The following HIVEP3 variants were observed in gnomAD, a reference collection of about 807,000 sequenced individuals.
HIVEP3 encodes the protein HIVEP zinc finger 3, also known as transcription factor HIVEP3.
In HIVEP3, 49 loss-of-function variants were observed where a neutral mutation model predicts 152.8. The ratio of observed to expected loss-of-function variants is 0.32; its 90% CI spans 0.26 to 0.41. The LOEUF is 0.41. Ranked by LOEUF, HIVEP3 falls within the 10% of genes least tolerant of loss-of-function variation. The pLI, the probability that HIVEP3 is intolerant of heterozygous loss-of-function variation, is 1.00. For missense variants in HIVEP3, 2,790 were observed against 3,103.3 expected (o/e 0.90, Z 2.40); for synonymous variants, 1,269 against 1,289.0 (o/e 0.98, Z 0.33).
chr1:41,937,828 T>C (rs1645027204), intron 1 of HIVEP3, among the ~76,000 whole-genome samples: 1 of 152,306 alleles, frequency 6.6e-6, no homozygotes, highest in South Asian at 2.1e-4. Context: ...TCCTAACTGG[T>C]GCATTGTATA....
At chr1:41,645,252 G>C (rs139281992) in intron 2 of HIVEP3, among the ~76,000 whole-genome samples, 1,658 of 152,268 alleles carry the variant, frequency 0.011, 12 homozygotes, top group Non-Finnish European at 0.016. Flanking sequence ...GCTGGCTGCA[G>C]GGCTCCTTCT....
chr1:41,754,925 C>T (rs1163643202), intron 1 of HIVEP3, among the ~76,000 whole-genome samples: 2 of 152,140 alleles, frequency 1.3e-5, no homozygotes, highest in East Asian at 1.9e-4. Flanking sequence ...ATTAGTACCA[C>T]CTTTCAGGAG....
chr1:41,658,912 G>C (rs1011308183), intron 2 of HIVEP3, among the ~76,000 whole-genome samples: 1 of 152,192 alleles, frequency 6.6e-6, no homozygotes, highest in African/African-American at 2.4e-5. Flanking sequence ...ATTCTATAAC[G>C]GTAGAGCTAA....
chr1:41,580,007 G>T lies in HIVEP3; in HGVS notation c.4791C>A (p.Ser1597Arg), dbSNP rs1223343927. 1 of 1,614,222 alleles carries T rather than the reference G, an allele frequency of 6.2e-7. No homozygotes were observed. The highest frequency in any genetic ancestry group is 1.1e-5 in the South Asian group (1 of 91,088). Residue 1597 changes from serine (S) to arginine (R), a missense_variant, in exon 4 of 9, where the codon AGC becomes AGA. By Grantham distance (110) the Ser-to-Arg change is moderately radical (BLOSUM62 -1). Around this residue, in one of 9 missense-constraint regions of HIVEP3, gnomAD observed 1,078 missense variants for 1,165.3 expected, o/e 0.93. Coordinates refer to ENST00000372583, the MANE Select transcript of HIVEP3 (RefSeq NM_024503.5). ...TDSKKVLQFP[S>R]LHTTTNVSWC... Reference sequence around the variant, plus strand: ...AACTGACATTAGTGGTTGTGTGGAGGCTGGGGAACTGCAGTACCTTCTTTG... The same window carrying T: ...AACTGACATTAGTGGTTGTGTGGAGTCTGGGGAACTGCAGTACCTTCTTTG...
At chr1:41,973,548 A>AAG (rs1346783167) in intron 1 of HIVEP3, among the ~76,000 whole-genome samples, 1 of 152,234 alleles carries the variant, frequency 6.6e-6, no homozygotes, top group Admixed American at 6.5e-5. Context: ...TGGAAAGAGA[A>AAG]AGAGAGAGGC....
intron 1 of HIVEP3, among the ~76,000 whole-genome samples, chr1:41,884,695 G>C (rs1004478545): frequency 6.6e-6 from 1 of 152,230 alleles, no homozygotes; most frequent in Non-Finnish European, 1.5e-5. Flanking sequence ...GCAGAGCTGA[G>C]AGAGATTTAG....
At chr1:41,551,037 TGA>T (rs1330205021) in intron 5 of HIVEP3, among the ~76,000 whole-genome samples, 2 of 152,234 alleles carry the variant, frequency 1.3e-5, no homozygotes, top group Non-Finnish European at 2.9e-5. Flanking sequence ...CTTATTATTT[TGA>T]GATATGTTCC....
intron 1 of HIVEP3, among the ~76,000 whole-genome samples, chr1:41,915,468 A>C (rs1277079172): frequency 6.6e-6 from 1 of 152,174 alleles, no homozygotes; most frequent in East Asian, 1.9e-4. Flanking sequence ...GTTGCTTCCA[A>C]TTTGCTAGGT....
chr1:41,695,625 T>A (rs115805935), intron 2 of HIVEP3, among the ~76,000 whole-genome samples: 1 of 151,902 alleles, frequency 6.6e-6, no homozygotes, highest in Non-Finnish European at 1.5e-5. Context: ...GTGCCCAGAT[T>A]TGGGGGGTCA....
intron 1 of HIVEP3, among the ~76,000 whole-genome samples, chr1:41,999,609 GT>G (rs1301571321): frequency 1.3e-5 from 2 of 152,140 alleles, no homozygotes; most frequent in Non-Finnish European, 2.9e-5. Context: ...AAAAATTAAA[GT>G]GCTATGGGAA....
rs1488638805 is a variant in HIVEP3, at chr1:41,513,560, T to C, written c.5661A>G (p.Pro1887=). Residue 1887 remains proline, a synonymous_variant, in exon 8 of 9, where the codon CCA becomes CCG. Coordinates refer to ENST00000372583, the MANE Select transcript of HIVEP3 (RefSeq NM_024503.5). The stretch of plus-strand genomic sequence containing the variant: ...GTGAGGAGTCTGCCCGCAGTGCATG[T>C]GGTGGGCCAGGCGGGGGCGCCTCTG... The part of the protein sequence containing the change: ...PSSEAPPPGP[P]HALRADSSPI... The C allele has an allele frequency of 1.7e-5, 28 of 1,611,908 alleles. No homozygotes were observed. Among genetic ancestry groups the C allele is most frequent in the Non-Finnish European group, 2.4e-5 (28 of 1,179,368 alleles).
chr1:41,727,244 G>C (rs1046757227), intron 1 of HIVEP3, among the ~76,000 whole-genome samples: 2 of 152,228 alleles, frequency 1.3e-5, no homozygotes, highest in African/African-American at 2.4e-5. Flanking sequence ...AGATGAGAAA[G>C]AGCCTGGGGC....
intron 1 of HIVEP3, among the ~76,000 whole-genome samples, chr1:41,769,930 C>G (rs1281447069): frequency 1.3e-5 from 2 of 152,148 alleles, no homozygotes; most frequent in Non-Finnish European, 2.9e-5. Flanking sequence ...TGGCAGCAGG[C>G]AAGATTCACT....
chr1:41,986,687 A>T (rs627502), intron 1 of HIVEP3, among the ~76,000 whole-genome samples: 2 of 151,956 alleles, frequency 1.3e-5, no homozygotes, highest in Non-Finnish European at 2.9e-5. Context: ...TGATCCACCC[A>T]CCTTGGCCTC....
chr1:41,753,779 A>G (rs940103356), intron 1 of HIVEP3, among the ~76,000 whole-genome samples: 1 of 152,170 alleles, frequency 6.6e-6, no homozygotes, highest in Non-Finnish European at 1.5e-5. Context: ...TCATTCATTC[A>G]GGTATTTATT....
At chr1:41,885,365 T>C (rs1352509896) in intron 1 of HIVEP3, among the ~76,000 whole-genome samples, 2 of 151,358 alleles carry the variant, frequency 1.3e-5, no homozygotes, top group Admixed American at 6.6e-5. Context: ...TCGAAGTAGA[T>C]GGCTAGGAAA....
chr1:41,962,217 G>A (rs939482933), intron 1 of HIVEP3, among the ~76,000 whole-genome samples: 2 of 152,164 alleles, frequency 1.3e-5, no homozygotes, highest in African/African-American at 4.8e-5. Flanking sequence ...GAATGCTCAG[G>A]ACCAAAGTGG....
At chr1:41,688,812 A>C (rs6656478) in intron 2 of HIVEP3, among the ~76,000 whole-genome samples, 2 of 151,378 alleles carry the variant, frequency 1.3e-5, no homozygotes, top group East Asian at 3.9e-4. Flanking sequence ...GAGTTCCCCA[A>C]ACGGATCTGT....
At chr1:41,590,607 T>C (rs1426629614) in intron 3 of HIVEP3, among the ~76,000 whole-genome samples, 5 of 152,154 alleles carry the variant, frequency 3.3e-5, no homozygotes, top group Non-Finnish European at 7.4e-5. Context: ...GAGACATACA[T>C]CTTTGAGCTT....
Sources: gnomAD v4.1 joint callset for allele counts (sites outside exome capture counted in the v4.1 genomes callset) on GRCh38, gnomAD v4.1.1 for gene constraint, gnomAD v4.1.1 regional missense constraint, MANE v1.5 for transcripts, NCBI Gene and HGNC (gene_info 2026-07-23, HGNC 2026-07-21) for gene names.